ACOXL: variants seen among roughly 807,000 people sequenced by gnomAD.
The protein encoded by ACOXL is acyl-coenzyme A oxidase-like protein.
Under a neutral mutation model 71.9 loss-of-function variants are expected in ACOXL, and 70 were observed. That is an observed-to-expected ratio of 0.97 (90% CI 0.80 to 1.19). The LOEUF (loss-of-function observed/expected upper bound fraction) is 1.19. Among genes scored for constraint, ACOXL ranks in the 50% most tolerant of loss-of-function variants. The probability of loss-of-function intolerance (pLI) is 0.00; values close to 1 mark genes in which losing one functional copy is unlikely to be tolerated. For synonymous variants in ACOXL, 253 were observed against 281.6 expected (o/e 0.90, Z 1.02); for missense variants, 703 against 736.3 (o/e 0.95, Z 0.52).
At chr2:110,792,196 G>C (rs1684730360) in intron 3 of ACOXL, among the ~76,000 whole-genome samples, 1 of 152,174 alleles carries the variant, frequency 6.6e-6, no homozygotes, top group Non-Finnish European at 1.5e-5. Context: ...TCATCCTAAA[G>C]CTGGGATGGG....
chr2:110,873,659 G>A (rs1215382116), intron 10 of ACOXL, among the ~76,000 whole-genome samples: 1 of 152,138 alleles, frequency 6.6e-6, no homozygotes, highest in African/African-American at 2.4e-5. Context: ...GGGAGGCTGT[G>A]AGCCTCCCTG....
chr2:110,733,837 A>G (rs974593950), intron 1 of ACOXL, among the ~76,000 whole-genome samples: 1 of 152,170 alleles, frequency 6.6e-6, no homozygotes, highest in African/African-American at 2.4e-5. Context: ...ATGGTTCTCA[A>G]AGTGTGGTAC....
intron 9 of ACOXL, among the ~76,000 whole-genome samples, chr2:110,811,378 A>T (rs936202098): frequency 3.3e-5 from 5 of 152,130 alleles, no homozygotes; most frequent in Non-Finnish European, 5.9e-5. Context: ...TCTGATGTTG[A>T]GCACAGTGGG....
chr2:111,014,481 T>C (rs1222010055), intron 14 of ACOXL, among the ~76,000 whole-genome samples: 2 of 152,170 alleles, frequency 1.3e-5, no homozygotes, highest in African/African-American at 2.4e-5. Context: ...GAAGCAAGCC[T>C]AAGTAACTGG....
intron 10 of ACOXL, among the ~76,000 whole-genome samples, chr2:110,859,596 A>G (rs763462569): frequency 1.5e-4 from 23 of 152,160 alleles, no homozygotes; most frequent in Non-Finnish European, 2.4e-4. Flanking sequence ...GCTGCTGTTG[A>G]CGGCAGCCGG....
At chr2:110,791,494 G>A (rs1014232993) in intron 3 of ACOXL, among the ~76,000 whole-genome samples, 1 of 152,192 alleles carries the variant, frequency 6.6e-6, no homozygotes, top group African/African-American at 2.4e-5. Flanking sequence ...TAACTCCCAA[G>A]ATGGTTTAGG....
At chr2:110,774,373 A>G (rs958644996) in intron 2 of ACOXL, among the ~76,000 whole-genome samples, 9 of 152,202 alleles carry the variant, frequency 5.9e-5, no homozygotes, top group African/African-American at 2.2e-4. Context: ...GGTAAATTGG[A>G]AAAGAAGAAG....
At chr2:111,096,659 A>C (rs982117273) in intron 17 of ACOXL, among the ~76,000 whole-genome samples, 1 of 152,126 alleles carries the variant, frequency 6.6e-6, no homozygotes, top group Non-Finnish European at 1.5e-5. Context: ...ATACCTTAAA[A>C]TCTTTACAAG....
chr2:110,875,091 C>T (rs574958178), intron 10 of ACOXL, among the ~76,000 whole-genome samples: 6 of 152,286 alleles, frequency 3.9e-5, no homozygotes, highest in South Asian at 2.1e-4. Flanking sequence ...GCCTCTGAGC[C>T]GGTCCCTTGT....
At chr2:110,852,347 C>T (rs1183234107) in intron 10 of ACOXL, among the ~76,000 whole-genome samples, 3 of 151,526 alleles carry the variant, frequency 2.0e-5, no homozygotes, top group East Asian at 1.9e-4. Flanking sequence ...TCAGGCTGCG[C>T]GTGGGGGCCC....
chr2:110,836,030 T>A (rs1690422649), intron 9 of ACOXL, among the ~76,000 whole-genome samples: 1 of 152,196 alleles, frequency 6.6e-6, no homozygotes, highest in South Asian at 2.1e-4. Flanking sequence ...TCCACCAGCA[T>A]CTCTAAGCAT....
chr2:110,804,675 G>A (rs1357278890), intron 8 of ACOXL, among the ~76,000 whole-genome samples: 1 of 152,166 alleles, frequency 6.6e-6, no homozygotes, highest in Non-Finnish European at 1.5e-5. Context: ...GTACTAACAC[G>A]TGCTACAACA....
At chr2:110,811,786 C>CACACAT (rs10677563) in intron 9 of ACOXL, among the ~76,000 whole-genome samples, 1 of 148,118 alleles carries the variant, frequency 6.8e-6, no homozygotes, top group African/African-American at 2.5e-5. Context: ...CACACACACA[C>CACACAT]GCGGGGAGGA....
intron 16 of ACOXL, among the ~76,000 whole-genome samples, chr2:111,055,557 A>C (rs2066494438): frequency 6.6e-6 from 1 of 152,238 alleles, no homozygotes. Context: ...AGCTCCGACC[A>C]GCAAGGGCTT....
At chr2:110,791,933 T>C (rs1236772774) in intron 3 of ACOXL, among the ~76,000 whole-genome samples, 1 of 152,226 alleles carries the variant, frequency 6.6e-6, no homozygotes, top group Non-Finnish European at 1.5e-5. Context: ...GTGCAGGACC[T>C]GGTCTCTGCC....
intron 12 of ACOXL, among the ~76,000 whole-genome samples, chr2:110,967,050 A>G (rs1267017345): frequency 2.6e-5 from 4 of 152,234 alleles, no homozygotes. Context: ...TGAGAAAGTC[A>G]ATAGATGCGG....
At chr2:110,943,224 AGAAG>A (rs2060956403) in intron 12 of ACOXL, among the ~76,000 whole-genome samples, 1 of 149,262 alleles carries the variant, frequency 6.7e-6, no homozygotes, top group African/African-American at 2.5e-5. Context: ...AAGGAAGGAA[AGAAG>A]GAAGCAAGAA....
intron 9 of ACOXL, among the ~76,000 whole-genome samples, chr2:110,832,426 T>C (rs1424185402): frequency 6.6e-6 from 1 of 151,400 alleles, no homozygotes; most frequent in Non-Finnish European, 1.5e-5. Flanking sequence ...TAGTCCCAGC[T>C]ACTCGGGAGG....
At chr2:110,818,417 A>ATG (rs1405102852) in intron 9 of ACOXL, among the ~76,000 whole-genome samples, 480 of 139,246 alleles carry the variant, frequency 3.4e-3, no homozygotes, top group African/African-American at 0.013. Context: ...AAACATATAT[A>ATG]TATATATGTG....
Sources: gnomAD v4.1 joint callset for allele counts (sites outside exome capture counted in the v4.1 genomes callset) on GRCh38, gnomAD v4.1.1 for gene constraint, MANE v1.5 for transcripts, NCBI Gene and HGNC (gene_info 2026-07-23, HGNC 2026-07-21) for gene names.